ZNF853: variants seen among roughly 807,000 people sequenced by gnomAD.
The protein encoded by ZNF853 is zinc finger protein 853.
Under a neutral mutation model 94.7 loss-of-function variants are expected in ZNF853, and 57 were observed. The observed-to-expected ratio is 0.60, with a 90% CI of 0.49 to 0.75. The LOEUF (loss-of-function observed/expected upper bound fraction) is 0.75. ZNF853 is among the 30% of genes least tolerant of loss of function. ZNF853 has a pLI of 0.00. For missense variants in ZNF853, 785 were observed against 868.9 expected (o/e 0.90, Z 1.21); for synonymous variants, 448 against 406.3 (o/e 1.10, Z -1.23).
In ZNF853 at chr7:6,621,549, G is replaced by C. The variant is rs370345046; in HGVS notation, c.558G>C (p.Gln186His). Residue 186 changes from glutamine (Q) to histidine (H), a missense_variant, in exon 3 of 3, where the codon CAG becomes CAC. Physicochemically the swap from Gln to His is conservative, Grantham distance 24. Coordinates refer to ENST00000457543, the MANE Select transcript of ZNF853 (RefSeq NM_017560.3). ...QLQTQQAQEQ[Q>H]VLQQQEQLQQ... ...AGACGCAGCAAGCACAAGAGCAACA[G>C]GTATTGCAGCAGCAGGAACAGCTAC... The C allele has an allele frequency of 6.1e-5, 95 of 1,551,638 alleles. No homozygotes were observed. In the African/African-American group the frequency reaches 1.2e-3, roughly 20 times the overall value.
At position 6,622,477 on chromosome 7, in the gene ZNF853, C is replaced by G. The variant is rs1242386293; in HGVS notation, c.1486C>G (p.Arg496Gly). The change falls in exon 3 of 3, where the codon CGC (arginine) becomes GGC (glycine). Residue 496 changes from arginine to glycine, a missense_variant. By Grantham distance (125) the Arg-to-Gly change is moderately radical. Transcript: ENST00000457543. ...ICGECGKGFSRSTDLVRHQAT... is the reference protein window; with the variant it reads ...ICGECGKGFSGSTDLVRHQAT... ...CGGGGAGTGCGGCAAGGGCTTCAGC[C>G]GCAGCACGGACCTGGTGCGCCACCA... The G allele has an allele frequency of 6.5e-7, 1 of 1,534,236 alleles. No homozygotes were observed. The highest frequency in any genetic ancestry group is 8.8e-7 in the Non-Finnish European group (1 of 1,141,750).
At chr7:6,620,752 G>C in intron 2 of ZNF853, among the ~76,000 whole-genome samples, 1 of 152,130 alleles carries the variant, frequency 6.6e-6, no homozygotes, top group Non-Finnish European at 1.5e-5. Context: ...CTCCTTAGTA[G>C]CTGGGACTAC....
At chr7:6,617,610 C>T (rs1398458275) in intron 2 of ZNF853, 23 of 985,342 alleles carry the variant, frequency 2.3e-5, no homozygotes, top group Non-Finnish European at 2.7e-5. Flanking sequence ...CATCCTCCCA[C>T]CTGGCCCCAG....
Position 6,622,925 on chromosome 7 carries a change from C to A in ZNF853, c.1934C>A (p.Ala645Glu), listed in dbSNP as rs1782667383. 1 of 1,248,778 alleles carries A rather than the reference C, an allele frequency of 8.0e-7. No individual in the cohort carries two copies. The allele number at this position is 1,248,778 out of a possible 1,614,324, so 77.4% of individuals were successfully genotyped here. ...GCGGCCCTCGGTGGCCCAGCCCGCG[C>A]GGAGCAGGCCGCTACAGCCACTGCG... ...RPAALGGPAR[A>E]EQAATATAPA... Residue 645 changes from alanine to glutamate, a missense_variant, in exon 3 of 3, where the codon GCG (alanine) becomes GAG (glutamate). Transcript: ENST00000457543.
In ZNF853 at chr7:6,622,630, G is replaced by T; in HGVS notation, c.1639G>T (p.Ala547Ser). ...GEKPYACSYC[A>S]KRFSESSALV... Reference sequence around the variant, plus strand: ...GAAACCCTACGCCTGCTCCTACTGCGCCAAGCGCTTCAGCGAGAGCTCGGC... The same window carrying T: ...GAAACCCTACGCCTGCTCCTACTGCTCCAAGCGCTTCAGCGAGAGCTCGGC... Residue 547 changes from alanine (A) to serine (S), a missense_variant, in exon 3 of 3, where the codon GCC (alanine) becomes TCC (serine). By Grantham distance (99) the Ala-to-Ser change is moderately conservative (BLOSUM62 1). Transcript: ENST00000457543. The T allele has an allele frequency of 6.3e-7, 1 of 1,582,238 alleles. No homozygotes were observed. The highest frequency in any genetic ancestry group is 8.6e-7 in the Non-Finnish European group (1 of 1,165,176).
At position 6,622,514 on chromosome 7, in the gene ZNF853, C is replaced by T. The variant is rs1386331138; in HGVS notation, c.1523C>T (p.Thr508Met). 5.8e-6 allele frequency: 9 copies of T among 1,547,494 alleles called. No homozygotes were observed. Among genetic ancestry groups the T allele is most frequent in the Non-Finnish European group, 7.0e-6 (8 of 1,146,178 alleles). ...TDLVRHQATHTGERPHRCGEC... is the reference protein window; with the variant it reads ...TDLVRHQATHMGERPHRCGEC... ...CTGGTGCGCCACCAGGCCACGCACA[C>T]GGGTGAGCGGCCACACCGCTGCGGC... is the stretch of plus-strand genomic sequence containing the variant. Residue 508 changes from threonine to methionine, a missense_variant, in exon 3 of 3, where the codon ACG becomes ATG. By Grantham distance (81) the Thr-to-Met change is moderately conservative (BLOSUM62 -1). Coordinates refer to ENST00000457543, the MANE Select transcript of ZNF853 (RefSeq NM_017560.3).
At chr7:6,617,907 C>T in intron 2 of ZNF853, among the ~76,000 whole-genome samples, 8 of 152,032 alleles carry the variant, frequency 5.3e-5, no homozygotes, top group Non-Finnish European at 1.0e-4. Context: ...CCATTCTGTG[C>T]TTTAAGGGTG....
chr7:6,617,711 C>A, intron 2 of ZNF853: 3 of 929,026 alleles, frequency 3.2e-6, no homozygotes, highest in Non-Finnish European at 3.9e-6. Context: ...GATGTTGGCT[C>A]CCTGGCTTCT....
chr7:6,615,972 T>A lies in ZNF853; in HGVS notation c.-203T>A. ...CTGCTCGGCCGCTCCTCTCAGCCCCTTCCCTTGGCCCAGGGCGACCTCGGC... is the reference window on the plus strand; with the variant it reads ...CTGCTCGGCCGCTCCTCTCAGCCCCATCCCTTGGCCCAGGGCGACCTCGGC... On this transcript the variant is annotated 5_prime_UTR_variant, in exon 1 of 3. Coordinates refer to ENST00000457543, the MANE Select transcript of ZNF853 (RefSeq NM_017560.3). This position sits in a 1 kb window ranked among gnomAD's most constrained non-coding sequence, Gnocchi z 8.5. 2.0e-6 allele frequency: 1 copy of A among 502,546 alleles called. No individual in the cohort carries two copies. The highest frequency in any genetic ancestry group is 3.6e-6 in the Non-Finnish European group (1 of 280,632). 31.1% of individuals were successfully genotyped at this position (502,546 alleles called of 1,614,324 possible).
Position 6,622,495 on chromosome 7 carries a change from C to T in ZNF853, c.1504C>T (p.Arg502Cys), listed in dbSNP as rs776244783. Residue 502 changes from arginine (R) to cysteine (C), a missense_variant, in exon 3 of 3, where the codon CGC becomes TGC. By Grantham distance (180) the Arg-to-Cys change is radical. Coordinates refer to ENST00000457543, the MANE Select transcript of ZNF853 (RefSeq NM_017560.3). ...KGFSRSTDLVRHQATHTGERP... is the reference protein window; with the variant it reads ...KGFSRSTDLVCHQATHTGERP... ...CTTCAGCCGCAGCACGGACCTGGTG[C>T]GCCACCAGGCCACGCACACGGGTGA... is the stretch of plus-strand genomic sequence containing the variant. 1.9e-6 allele frequency: 3 copies of T among 1,541,966 alleles called. No homozygotes were observed. Among genetic ancestry groups the T allele is most frequent in the Non-Finnish European group, 1.7e-6 (2 of 1,144,434 alleles).
intron 2 of ZNF853, chr7:6,617,709 C>T: frequency 1.1e-6 from 1 of 933,212 alleles, no homozygotes; most frequent in African/African-American, 1.8e-5. Context: ...CAGATGTTGG[C>T]TCCCTGGCTT....
rs1782692168 is a variant in ZNF853, at chr7:6,623,715, C to T, written c.*744C>T. The T allele has an allele frequency of 1.1e-5, 2 of 188,258 alleles. No individual in the cohort carries two copies. The highest frequency in any genetic ancestry group is 2.0e-4 in the South Asian group (1 of 5,110). The allele number at this position is 188,258 out of a possible 1,614,324, so 11.7% of individuals were successfully genotyped here. ...GCCTCTGCTGCTGTGTCCCCCAGTC[C>T]CCCCAGCCCGCATTAATGTCCTCTG... On this transcript the variant is annotated 3_prime_UTR_variant, in exon 3 of 3. Coordinates refer to ENST00000457543, the MANE Select transcript of ZNF853 (RefSeq NM_017560.3).
rs765506291 is a variant in ZNF853 at position 6,622,089 on chromosome 7, GCAGCTGGAGCAA to G, written c.1110_1121del (p.Leu372_Gln375del). 6 of 1,546,484 alleles carry G rather than the reference GCAGCTGGAGCAA, an allele frequency of 3.9e-6. No homozygotes were observed. The highest frequency in any genetic ancestry group is 1.4e-5 in the African/African-American group (1 of 72,980). ...AGCTCAAACTGCAGGAGGAGCTGCA[GCAGCTGGAGCAA>G]CAGCTGGAGCAGCAGCAGCAGCAGC... is the stretch of plus-strand genomic sequence containing the variant. On this transcript the variant is annotated inframe_deletion, in exon 3 of 3. Coordinates refer to ENST00000457543, the MANE Select transcript of ZNF853 (RefSeq NM_017560.3).
chr7:6,616,683 C>A, intron 1 of ZNF853, among the ~76,000 whole-genome samples: 2 of 151,600 alleles, frequency 1.3e-5, no homozygotes, highest in African/African-American at 4.9e-5. Flanking sequence ...TGCAGTGAGT[C>A]CAGATCGCAC....
rs1407874786 is a variant in ZNF853, at chr7:6,615,794, G to C, written c.-381G>C. ...GGACCCGCGTCGCCTGGCCGCCGCC[G>C]ACCCCAGGCGGGGCCACCCCGTGGT... On this transcript the variant is annotated 5_prime_UTR_variant, in exon 1 of 3. Coordinates refer to ENST00000457543, the MANE Select transcript of ZNF853 (RefSeq NM_017560.3). The surrounding 1 kb of genome is among the most constrained non-coding windows in gnomAD (Gnocchi z 8.5). 7.8e-4 allele frequency: 113 copies of C among 144,276 alleles called. No individual in the cohort carries two copies. Among genetic ancestry groups the C allele is most frequent in the Non-Finnish European group, 1.1e-3 (75 of 67,002 alleles). 8.9% of individuals were successfully genotyped at this position (144,276 alleles called of 1,614,324 possible). A position where few individuals can be genotyped will look rare whatever the true frequency, so the allele number is the denominator to read the frequency against.
At position 6,621,645 on chromosome 7, in the gene ZNF853, ACAG is replaced by A; in HGVS notation, c.658_660del (p.Gln220del). The A allele has an allele frequency of 1.3e-6, 2 of 1,549,856 alleles. No individual in the cohort carries two copies. The highest frequency in any genetic ancestry group is 1.7e-6 in the Non-Finnish European group (2 of 1,145,464). On this transcript the variant is annotated inframe_deletion, in exon 3 of 3. Transcript: ENST00000457543. ...AGTTACAGCAGCAGCAGCTGCTACA[ACAG>A]CAGGAACAGTTACAGCAGCAACAGT...
In ZNF853 at chr7:6,621,330, G is replaced by T. The variant is rs1347893533; in HGVS notation, c.339G>T (p.Gln113His). Residue 113 changes from glutamine (Q) to histidine (H), a missense_variant, in exon 3 of 3, where the codon CAG (glutamine) becomes CAT (histidine). Transcript: ENST00000457543. The part of the protein sequence containing the change: ...QPQHEQLQQP[Q>H]PHLELQQQPQ... Reference sequence around the variant, plus strand: ...AACACGAGCAGCTGCAACAGCCGCAGCCACACCTAGAACTGCAACAGCAGC... The same window carrying T: ...AACACGAGCAGCTGCAACAGCCGCATCCACACCTAGAACTGCAACAGCAGC... 6.4e-7 allele frequency: 1 copy of T among 1,551,686 alleles called. No homozygotes were observed. Among genetic ancestry groups the T allele is most frequent in the East Asian group, 2.4e-5 (1 of 40,930 alleles).
chr7:6,617,367 G>A, intron 2 of ZNF853, 60 bp downstream of exon 2: 3 of 1,313,842 alleles, frequency 2.3e-6, no homozygotes, highest in Non-Finnish European at 3.0e-6. Context: ...GGCAGAAAGA[G>A]GCTCAAGGGT....
chr7:6,622,647 GAGCTCGGCGCTCGTGC>G lies in ZNF853; in HGVS notation c.1660_1675del (p.Ser554ThrfsTer140). ...CCTACTGCGCCAAGCGCTTCAGCGA[GAGCTCGGCGCTCGTGC>G]AGCACCAGCGCACGCACACCGGGGA... On this transcript the variant is annotated frameshift_variant, in exon 3 of 3. Transcript: ENST00000457543. LOFTEE classifies it high-confidence loss of function. 1 of 1,578,640 alleles carries G rather than the reference GAGCTCGGCGCTCGTGC, an allele frequency of 6.3e-7. No individual in the cohort carries two copies. The highest frequency in any genetic ancestry group is 8.6e-7 in the Non-Finnish European group (1 of 1,163,460).
Sources: gnomAD v4.1 joint callset for allele counts (sites outside exome capture counted in the v4.1 genomes callset) on GRCh38, gnomAD v4.1.1 for gene constraint, Gnocchi (gnomAD v3.1) non-coding constraint, MANE v1.5 for transcripts, NCBI Gene and HGNC (gene_info 2026-07-23, HGNC 2026-07-21) for gene names.